The following CRMP1 variants were observed in gnomAD, a reference collection of about 807,000 sequenced individuals.
The protein encoded by CRMP1 is dihydropyrimidinase-related protein 1.
In CRMP1, 19 loss-of-function variants were observed where a neutral mutation model predicts 68.3. The observed-to-expected ratio is 0.28, with a 90% CI of 0.19 to 0.41. CRMP1 has a LOEUF of 0.41. CRMP1 is among the 10% of genes least tolerant of loss of function. The probability of loss-of-function intolerance (pLI) is 1.00; values close to 1 mark genes in which losing one functional copy is unlikely to be tolerated. For missense variants in CRMP1, 791 were observed against 967.4 expected, an observed-to-expected ratio of 0.82 and a Z score of 2.42; for synonymous variants, 439 against 399.6, an observed-to-expected ratio of 1.10 and a Z score of -1.18.
chr4:5,875,626 G>A (rs1714755005), intron 1 of CRMP1, among the ~76,000 whole-genome samples: 1 of 152,080 alleles, frequency 6.6e-6, no homozygotes, highest in Non-Finnish European at 1.5e-5. Flanking sequence ...GAGAGGAGAA[G>A]GGAAACATTC....
rs1046664373 is a variant in CRMP1, at chr4:5,881,543, C to A, written c.381+11046G>T. On this transcript the variant is annotated intron_variant, in intron 1 of 13. Coordinates refer to ENST00000324989, the MANE Select transcript of CRMP1 (RefSeq NM_001014809.3). This position sits in a 1 kb window ranked among gnomAD's most constrained non-coding sequence, Gnocchi z 4.6. The stretch of plus-strand genomic sequence containing the variant: ...GATTGCACTTGGTTACCATTCAGCA[C>A]CGTGGTGCTGTCCACTGCCCCGACC... Among the ~76,000 whole-genome samples, 10 of 152,176 alleles carry A rather than the reference C, an allele frequency of 6.6e-5. No homozygotes were observed. The highest frequency in any genetic ancestry group is 1.5e-4 in the Non-Finnish European group (10 of 68,032).
Position 5,891,266 on chromosome 4 carries a change from G to A in CRMP1, c.381+1323C>T, listed in dbSNP as rs1459281231. On this transcript the variant is annotated intron_variant, in intron 1 of 13. Transcript: ENST00000324989. This position sits in a 1 kb window ranked among gnomAD's most constrained non-coding sequence, Gnocchi z 5.2. Reference sequence around the variant, plus strand: ...GGCTCCGGCTTCAGGACCACGGAGAGCTCTGGAGCAACAGCCCGCCCGCGA... The same window carrying A: ...GGCTCCGGCTTCAGGACCACGGAGAACTCTGGAGCAACAGCCCGCCCGCGA... 7.8e-6 allele frequency among the ~76,000 whole-genome samples: 1 copy of A among 128,212 alleles called. No individual in the cohort carries two copies. Among genetic ancestry groups the A allele is most frequent in the African/African-American group, 2.5e-5 (1 of 40,252 alleles). The allele number at this position is 128,212 out of a possible 152,430, so 84.1% of individuals were successfully genotyped here.
rs966320466 is a variant in CRMP1, at chr4:5,865,552, T to C, written c.470+1116A>G. On this transcript the variant is annotated intron_variant, in intron 2 of 13. Transcript: ENST00000324989. This position sits in a 1 kb window ranked among gnomAD's most constrained non-coding sequence, Gnocchi z 4.1. ...AGGGGAGTCGATTGAACCCGGGAAG[T>C]GGAGGTTGCAGTGAGCCGAGATTGT... 7.1e-6 allele frequency among the ~76,000 whole-genome samples: 1 copy of C among 139,882 alleles called. No individual in the cohort carries two copies. The highest frequency in any genetic ancestry group is 2.8e-5 in the African/African-American group (1 of 36,300). 91.8% of individuals were successfully genotyped at this position (139,882 alleles called of 152,430 possible). A position where few individuals can be genotyped will look rare whatever the true frequency, so the allele number is the denominator to read the frequency against.
chr4:5,885,755 A>G (rs1171430113), intron 1 of CRMP1, among the ~76,000 whole-genome samples: 2 of 152,168 alleles, frequency 1.3e-5, no homozygotes, highest in Non-Finnish European at 2.9e-5. Context: ...AGCCTTGGCT[A>G]AGCTCTAGAA....
chr4:5,880,329 A>C (rs1203454445), intron 1 of CRMP1, among the ~76,000 whole-genome samples: 1 of 152,222 alleles, frequency 6.6e-6, no homozygotes, highest in Non-Finnish European at 1.5e-5. Flanking sequence ...GGTTATAGAA[A>C]TCAAACATTT....
At chr4:5,869,908 C>T (rs1325739705) in intron 1 of CRMP1, among the ~76,000 whole-genome samples, 1 of 152,058 alleles carries the variant, frequency 6.6e-6, no homozygotes, top group Non-Finnish European at 1.5e-5. Flanking sequence ...CTTGATCTTG[C>T]CAAGGCCATC....
chr4:5,849,321 T>C, intron 6 of CRMP1, 71 bp downstream of exon 6: 2 of 1,274,152 alleles, frequency 1.6e-6, no homozygotes, highest in Non-Finnish European at 2.3e-6. Flanking sequence ...TAACCAATGC[T>C]CTTTTATCAA....
At chr4:5,827,672 ACACG>A (rs1364622112) in intron 12 of CRMP1, among the ~76,000 whole-genome samples, 12 of 151,828 alleles carry the variant, frequency 7.9e-5, no homozygotes, top group African/African-American at 2.2e-4. Context: ...GCACACATAC[ACACG>A]TGCATGCATG....
chr4:5,836,325 C>G (rs1001569597), intron 10 of CRMP1, among the ~76,000 whole-genome samples: 1 of 152,172 alleles, frequency 6.6e-6, no homozygotes, highest in African/African-American at 2.4e-5. Flanking sequence ...TTGTCCATGT[C>G]ACCAGGCCCC....
At chr4:5,824,723 G>T in intron 13 of CRMP1, 2 of 984,656 alleles carry the variant, frequency 2.0e-6, no homozygotes, top group Non-Finnish European at 2.4e-6. Context: ...TTACTATCCG[G>T]CCTTCTAAGA....
rs1169236025 is a variant in CRMP1, at chr4:5,842,552, C to T, written c.1032+541G>A. On this transcript the variant is annotated intron_variant, in intron 7 of 13. Coordinates refer to ENST00000324989, the MANE Select transcript of CRMP1 (RefSeq NM_001014809.3). The surrounding 1 kb of genome is among the most constrained non-coding windows in gnomAD (Gnocchi z 4.5). The stretch of plus-strand genomic sequence containing the variant: ...CGATCAGCTTGCCTTCCTCCTTCCA[C>T]ACTCCCTGCAGGTGCATGCACATGC... 6.6e-6 allele frequency among the ~76,000 whole-genome samples: 1 copy of T among 151,908 alleles called. No individual in the cohort carries two copies. Among genetic ancestry groups the T allele is most frequent in the African/African-American group, 2.4e-5 (1 of 41,360 alleles).
At chr4:5,868,645 C>T (rs868800387) in intron 1 of CRMP1, among the ~76,000 whole-genome samples, 1 of 152,060 alleles carries the variant, frequency 6.6e-6, no homozygotes, top group Non-Finnish European at 1.5e-5. Flanking sequence ...AATACTCCAT[C>T]TTAGGGATAC....
rs116718468 is a variant in CRMP1, at chr4:5,866,827, T to C, written c.382-71A>G. ...GATAAAGTTTTTTCTTTTTAATTTT[T>C]AATATAAGAATTATCAAATATTTTC... On this transcript the variant is annotated intron_variant, in intron 1 of 13. Transcript: ENST00000324989. This position sits in a 1 kb window ranked among gnomAD's most constrained non-coding sequence, Gnocchi z 5.9. 5.6e-4 allele frequency: 607 copies of C among 1,079,240 alleles called. 3 individuals are homozygous for C. The African/African-American group carries it at 8.8e-3, about 16-fold the overall frequency. 66.9% of individuals were successfully genotyped at this position (1,079,240 alleles called of 1,614,324 possible).
Position 5,842,631 on chromosome 4 carries a change from C to A in CRMP1, c.1032+462G>T, listed in dbSNP as rs866950763. On this transcript the variant is annotated intron_variant, in intron 7 of 13. Coordinates refer to ENST00000324989, the MANE Select transcript of CRMP1 (RefSeq NM_001014809.3). The surrounding 1 kb of genome is among the most constrained non-coding windows in gnomAD (Gnocchi z 4.5). ...ACACACACACACTCACTCACACACA[C>A]ACACACGCACTGTCTCTCTCACACA... Among the ~76,000 whole-genome samples the A allele has an allele frequency of 1.3e-5, 2 of 151,454 alleles. No homozygotes were observed. The highest frequency in any genetic ancestry group is 4.9e-5 in the African/African-American group (2 of 41,124).
At position 5,861,627 on chromosome 4, in the gene CRMP1, G is replaced by A. The variant is rs1446354383; in HGVS notation, c.471-417C>T. Among the ~76,000 whole-genome samples, 4 of 152,170 alleles carry A rather than the reference G, an allele frequency of 2.6e-5. No homozygotes were observed. The highest frequency in any genetic ancestry group is 2.6e-4 in the Admixed American group (4 of 15,288). On this transcript the variant is annotated intron_variant, in intron 2 of 13. Coordinates refer to ENST00000324989, the MANE Select transcript of CRMP1 (RefSeq NM_001014809.3). The surrounding 1 kb of genome is among the most constrained non-coding windows in gnomAD (Gnocchi z 6.0). ...AGGTTAAATTCCAAATGGGGAAGGA[G>A]GGAAAAGAGCCTACGAAATGAGAAA...
At chr4:5,871,999 C>A (rs1226373304) in intron 1 of CRMP1, among the ~76,000 whole-genome samples, 1 of 152,132 alleles carries the variant, frequency 6.6e-6, no homozygotes, top group East Asian at 1.9e-4. Context: ...TTCACACAAC[C>A]AGTAAGGATG....
intron 2 of CRMP1, among the ~76,000 whole-genome samples, chr4:5,864,148 G>A (rs1713806304): frequency 6.6e-6 from 1 of 152,142 alleles, no homozygotes; most frequent in African/African-American, 2.4e-5. Flanking sequence ...TCAACCCATG[G>A]CCACTTGCTC....
rs1193925743 is a variant in CRMP1, at chr4:5,888,085, G to A, written c.381+4504C>T. 1 of 989,732 alleles carries A rather than the reference G, an allele frequency of 1.0e-6. No individual in the cohort carries two copies. Among genetic ancestry groups the A allele is most frequent in the African/African-American group, 1.7e-5 (1 of 59,128 alleles). 61.3% of individuals were successfully genotyped at this position (989,732 alleles called of 1,614,324 possible). ...GGCTGGGGGAGGGGGCTGAAATCCC[G>A]AGACCGGCCCCGCCCCACCCGCGGC... On this transcript the variant is annotated intron_variant, in intron 1 of 13. Transcript: ENST00000324989. This position sits in a 1 kb window ranked among gnomAD's most constrained non-coding sequence, Gnocchi z 6.4.
At chr4:5,836,294 C>T (rs371702399) in intron 10 of CRMP1, among the ~76,000 whole-genome samples, 5 of 152,166 alleles carry the variant, frequency 3.3e-5, no homozygotes, top group Non-Finnish European at 5.9e-5. Flanking sequence ...GGTATGTTGA[C>T]GCAAGAGCCA....
Sources: gnomAD v4.1 joint callset for allele counts (sites outside exome capture counted in the v4.1 genomes callset) on GRCh38, gnomAD v4.1.1 for gene constraint, Gnocchi (gnomAD v3.1) non-coding constraint, MANE v1.5 for transcripts, NCBI Gene and HGNC (gene_info 2026-07-23, HGNC 2026-07-21) for gene names.